TENM4: variants seen among roughly 807,000 people sequenced by gnomAD.
TENM4 encodes teneurin-4.
TENM4 carries 82 observed loss-of-function variants against 243.3 expected under a neutral mutation model. The observed-to-expected ratio is 0.34, with a 90% CI of 0.28 to 0.40. The LOEUF (loss-of-function observed/expected upper bound fraction) is 0.40. Ranked by LOEUF, TENM4 falls within the 10% of genes least tolerant of loss-of-function variation. The pLI is 1.00. For synonymous variants in TENM4, 1,412 were observed against 1,456.3 expected (o/e 0.97, Z 0.69); for missense variants, 3,138 against 3,673.3 (o/e 0.85, Z 3.77).
chr11:79,012,868 TG>T lies in TENM4; in HGVS notation c.493+51869del, dbSNP rs569310260. On this transcript the variant is annotated intron_variant, in intron 6 of 33. Transcript: ENST00000278550. ...CATCTCACAGAACTACCAGAAGGTG[TG>T]ATTGTTCTCATCCAAGATGGCTAAA... Among the ~76,000 whole-genome samples, 15 of 152,240 alleles carry T rather than the reference TG, an allele frequency of 9.9e-5. No individual in the cohort carries two copies. The South Asian group carries it at 2.9e-3, about 29-fold the overall frequency.
At chr11:79,049,025 T>C (rs1209508952) in intron 6 of TENM4, among the ~76,000 whole-genome samples, 1 of 152,184 alleles carries the variant, frequency 6.6e-6, no homozygotes, top group Non-Finnish European at 1.5e-5. Flanking sequence ...TCAGCACTGA[T>C]GTATGCCTAC....
intron 25 of TENM4, among the ~76,000 whole-genome samples, chr11:78,718,352 G>A (rs1410026647): frequency 1.3e-5 from 2 of 152,128 alleles, no homozygotes; most frequent in East Asian, 3.8e-4. Context: ...ACAATTAATT[G>A]ACGAAGGGTT....
Position 78,720,364 on chromosome 11 carries a change from G to T in TENM4, c.3821+6C>A, listed in dbSNP as rs768182935. 1 of 1,613,886 alleles carries T rather than the reference G, an allele frequency of 6.2e-7. No homozygotes were observed. Among genetic ancestry groups the T allele is most frequent in the Non-Finnish European group, 8.5e-7 (1 of 1,179,846 alleles). ...GAGGCAGGAAATTCTCCACTGGTTG[G>T]CTTACCTATGTCTGAAATCTTTATT... is the stretch of plus-strand genomic sequence containing the variant. On this transcript the variant is annotated splice_donor_region_variant and intron_variant, in intron 25 of 33. Transcript: ENST00000278550.
chr11:78,745,209 TTTC>T (rs1033671194), intron 19 of TENM4, among the ~76,000 whole-genome samples: 19 of 150,216 alleles, frequency 1.3e-4, no homozygotes, highest in African/African-American at 3.7e-4. Context: ...ACTGTCCCTC[TTTC>T]TTTTTTTTCT....
intron 6 of TENM4, among the ~76,000 whole-genome samples, chr11:78,976,788 A>G (rs1406716779): frequency 6.6e-6 from 1 of 152,206 alleles, no homozygotes; most frequent in Admixed American, 6.5e-5. Flanking sequence ...CCAAATTGGA[A>G]GAAAAACAAA....
chr11:78,662,835 C>A (rs1215585021), intron 32 of TENM4, among the ~76,000 whole-genome samples: 1 of 152,196 alleles, frequency 6.6e-6, no homozygotes, highest in East Asian at 1.9e-4. Flanking sequence ...AAGGCGGAAG[C>A]CTTTCATTTA....
At chr11:79,101,645 CAGG>C (rs1490676853) in intron 4 of TENM4, among the ~76,000 whole-genome samples, 1 of 152,206 alleles carries the variant, frequency 6.6e-6, no homozygotes, top group Admixed American at 6.5e-5. Flanking sequence ...ACTTTCCTCT[CAGG>C]GCTGGTGTGA....
intron 3 of TENM4, among the ~76,000 whole-genome samples, chr11:79,164,198 T>C (rs111211241): frequency 2.6e-4 from 32 of 124,562 alleles, no homozygotes; most frequent in African/African-American, 7.5e-4. Flanking sequence ...ATATATACTA[T>C]ATATAGTGTA....
At chr11:78,903,546 A>G in intron 6 of TENM4, 23 bp from the exon 7 acceptor site, 1 of 1,542,794 alleles carries the variant, frequency 6.5e-7, no homozygotes, top group South Asian at 1.2e-5. Context: ...CATGGCGGTC[A>G]GCGGCGGTGA....
At chr11:78,776,799 A>G (rs896516897) in intron 17 of TENM4, among the ~76,000 whole-genome samples, 1 of 152,132 alleles carries the variant, frequency 6.6e-6, no homozygotes, top group African/African-American at 2.4e-5. Flanking sequence ...GATTTGAGAA[A>G]GAATATAGGC....
intron 2 of TENM4, among the ~76,000 whole-genome samples, chr11:79,297,062 T>C (rs552887473): frequency 6.6e-6 from 1 of 152,230 alleles, no homozygotes; most frequent in Non-Finnish European, 1.5e-5. Flanking sequence ...GAGCAGGTCA[T>C]TGCAGGACTT....
intron 6 of TENM4, among the ~76,000 whole-genome samples, chr11:79,042,007 T>C (rs1459352155): frequency 6.6e-6 from 1 of 152,148 alleles, no homozygotes; most frequent in Non-Finnish European, 1.5e-5. Context: ...CAGCAGGAAA[T>C]GACTCCATTT....
intron 4 of TENM4, among the ~76,000 whole-genome samples, chr11:79,107,951 A>G (rs1460678583): frequency 2.0e-5 from 3 of 152,214 alleles, no homozygotes; most frequent in Admixed American, 2.0e-4. Context: ...CCCTTCTCCA[A>G]GAGAAAGCTA....
chr11:78,672,430 T>A, intron 30 of TENM4, 101 bp from the exon 31 acceptor site: 2 of 1,283,180 alleles, frequency 1.6e-6, no homozygotes, highest in Non-Finnish European at 2.2e-6. Flanking sequence ...AGCTCTTGAG[T>A]AGAGGAGGGA....
At chr11:79,057,560 C>T (rs1859973785) in intron 6 of TENM4, among the ~76,000 whole-genome samples, 1 of 152,310 alleles carries the variant, frequency 6.6e-6, no homozygotes, top group African/African-American at 2.4e-5. Context: ...TCCCCCTTTC[C>T]ATAACAACTA....
At chr11:79,280,660 G>A (rs1275594127) in intron 2 of TENM4, among the ~76,000 whole-genome samples, 2 of 152,192 alleles carry the variant, frequency 1.3e-5, no homozygotes, top group Non-Finnish European at 2.9e-5. Context: ...TGTGGCTCCT[G>A]TAGTCACCTG....
At chr11:78,661,325 G>A in intron 33 of TENM4, 124 bp downstream of exon 33, 3 of 1,283,138 alleles carry the variant, frequency 2.3e-6, no homozygotes, top group East Asian at 2.5e-5. Flanking sequence ...ACAACCTCTG[G>A]CAGGCACTGT....
intron 1 of TENM4, among the ~76,000 whole-genome samples, chr11:79,378,755 C>A (rs889161654): frequency 7.2e-5 from 11 of 152,004 alleles, no homozygotes; most frequent in African/African-American, 2.2e-4. Context: ...TGGTTGTGTG[C>A]ACCTGTTGTC....
intron 6 of TENM4, among the ~76,000 whole-genome samples, chr11:78,967,794 C>T (rs796426265): frequency 1.6e-4 from 25 of 152,272 alleles, no homozygotes; most frequent in African/African-American, 5.5e-4. Context: ...TCCTCACACC[C>T]GACTCCAACA....
Sources: gnomAD v4.1 joint callset for allele counts (sites outside exome capture counted in the v4.1 genomes callset) on GRCh38, gnomAD v4.1.1 for gene constraint, MANE v1.5 for transcripts, NCBI Gene and HGNC (gene_info 2026-07-23, HGNC 2026-07-21) for gene names.